Variants in LGSN observed in about 807,000 individuals in gnomAD.
LGSN encodes lengsin, lens protein with glutamine synthetase domain.
A neutral mutation model predicts 19.5 loss-of-function variants in LGSN; 21 were observed. The observed-to-expected ratio is 1.07, with a 90% CI of 0.76 to 1.55. The LOEUF (loss-of-function observed/expected upper bound fraction) is 1.55, where lower values mean the gene tolerates loss of function less well. Ranked by LOEUF, LGSN falls within the 40% of genes most tolerant of loss-of-function variation. LGSN has a pLI of 0.00. For synonymous variants in LGSN, 257 were observed against 215.6 expected (o/e 1.19, Z -1.68); for missense variants, 673 against 608.5 (o/e 1.11, Z -1.12).
intron 1 of LGSN, among the ~76,000 whole-genome samples, chr6:63,299,524 C>T (rs1046877439): frequency 1.3e-5 from 2 of 152,090 alleles, no homozygotes; most frequent in South Asian, 4.1e-4. Context: ...AAAAGTCATC[C>T]TTTTAGAAGT....
At chr6:63,450,066 G>A in the LGSN span, among the ~76,000 whole-genome samples, 1 of 152,018 alleles carries the variant, frequency 6.6e-6, no homozygotes, top group East Asian at 1.9e-4. Context: ...TTGAAAAATG[G>A]CCAGGCATGG....
At position 63,278,320 on chromosome 6, in the gene LGSN, A is replaced by G. The variant is rs562377556; in HGVS notation, c.*1701T>C. 7 of 152,234 alleles carry G rather than the reference A, an allele frequency of 4.6e-5. No individual in the cohort carries two copies. The South Asian group carries it at 8.3e-4, about 18-fold the overall frequency. The allele number at this position is 152,234 out of a possible 1,614,324, so 9.4% of individuals were successfully genotyped here. On this transcript the variant is annotated 3_prime_UTR_variant, in exon 4 of 4. Transcript: ENST00000370657. ...AGCAGACAGCTAGAAAATTGGCATG[A>G]GAGTCTTCCTTATCCCTCCCATGAT... is the stretch of plus-strand genomic sequence containing the variant.
At chr6:63,543,109 G>T in the LGSN span, among the ~76,000 whole-genome samples, 1 of 152,082 alleles carries the variant, frequency 6.6e-6, no homozygotes, top group Non-Finnish European at 1.5e-5. Context: ...TTAAAACAAA[G>T]CTGTGACATC....
the LGSN span, chr6:63,571,035 G>C: frequency 6.6e-6 from 1 of 151,954 alleles, no homozygotes; most frequent in Non-Finnish European, 1.5e-5. Flanking sequence ...ATTTGTAAAG[G>C]GACATATTTC....
At chr6:63,416,932 T>TACACACAC in the LGSN span, among the ~76,000 whole-genome samples, 429 of 147,906 alleles carry the variant, frequency 2.9e-3, 2 homozygotes, top group African/African-American at 0.01. Flanking sequence ...CATATGTATG[T>TACACACAC]ACACACACAC....
the LGSN span, among the ~76,000 whole-genome samples, chr6:63,418,701 T>C: frequency 6.6e-6 from 1 of 152,004 alleles, no homozygotes; most frequent in Non-Finnish European, 1.5e-5. Context: ...TCTCATGTAT[T>C]CCAGATTTAG....
chr6:63,570,990 T>C, the LGSN span: 3 of 152,238 alleles, frequency 2.0e-5, no homozygotes, highest in Non-Finnish European at 4.4e-5. Flanking sequence ...TCTTAGAATT[T>C]AAGATTTTAA....
the LGSN span, among the ~76,000 whole-genome samples, chr6:63,380,020 G>A: frequency 1.3e-5 from 2 of 151,982 alleles, no homozygotes; most frequent in Admixed American, 6.5e-5. Context: ...TGTATTTTTA[G>A]TAGAGACTGG....
intron 3 of LGSN, 149 bp downstream of exon 3, chr6:63,285,438 G>T (rs1352022910): frequency 4.7e-6 from 3 of 639,904 alleles, no homozygotes; most frequent in East Asian, 2.8e-5. Context: ...TAATGTGTTT[G>T]GGAGGAACAA....
chr6:63,520,029 A>C, the LGSN span, among the ~76,000 whole-genome samples: 179 of 152,350 alleles, frequency 1.2e-3, 3 homozygotes, highest in African/African-American at 4.2e-3. Flanking sequence ...TTTTTCGAGG[A>C]GCCTCAATGC....
chr6:63,538,089 A>T, the LGSN span, among the ~76,000 whole-genome samples: 1 of 152,256 alleles, frequency 6.6e-6, no homozygotes, highest in East Asian at 1.9e-4. Flanking sequence ...AAAATTTTTT[A>T]AATTTGCTGA....
chr6:63,490,507 C>T, the LGSN span, among the ~76,000 whole-genome samples: 32 of 152,264 alleles, frequency 2.1e-4, no homozygotes, highest in African/African-American at 7.5e-4. Context: ...ACATGGAGTG[C>T]ATTAGCCAGA....
At chr6:63,285,849 C>A in intron 2 of LGSN, 96 bp from the exon 3 acceptor site, 1 of 892,066 alleles carries the variant, frequency 1.1e-6, no homozygotes, top group Non-Finnish European at 1.7e-6. Context: ...ATATTATTAA[C>A]AAAAACATTA....
At chr6:63,415,585 T>C in the LGSN span, among the ~76,000 whole-genome samples, 1 of 152,198 alleles carries the variant, frequency 6.6e-6, no homozygotes, top group Non-Finnish European at 1.5e-5. Flanking sequence ...GCCCTCATGA[T>C]CCAATTATTT....
the LGSN span, among the ~76,000 whole-genome samples, chr6:63,343,406 T>C: frequency 6.6e-6 from 1 of 152,238 alleles, no homozygotes; most frequent in African/African-American, 2.4e-5. Flanking sequence ...CTTAAATAAA[T>C]GTGTGTGTTT....
the LGSN span, among the ~76,000 whole-genome samples, chr6:63,528,871 C>T: frequency 3.3e-5 from 5 of 152,040 alleles, no homozygotes; most frequent in Admixed American, 1.3e-4. Flanking sequence ...GGTGGATTAC[C>T]TGAGGTCAGG....
the LGSN span, among the ~76,000 whole-genome samples, chr6:63,325,103 C>CAAA: frequency 3.1e-5 from 2 of 65,228 alleles, no homozygotes. Flanking sequence ...AACTCTGTCT[C>CAAA]AAAAAAAAAA....
At chr6:63,374,869 A>G in the LGSN span, among the ~76,000 whole-genome samples, 1 of 152,254 alleles carries the variant, frequency 6.6e-6, no homozygotes, top group South Asian at 2.1e-4. Context: ...GAACATCTCC[A>G]TCTCTTGCTT....
chr6:63,394,362 C>T, the LGSN span, among the ~76,000 whole-genome samples: 1 of 152,142 alleles, frequency 6.6e-6, no homozygotes, highest in Admixed American at 6.5e-5. Context: ...CTCTGGAGGT[C>T]CTCACTGCTC....
Sources: gnomAD v4.1 joint callset for allele counts (sites outside exome capture counted in the v4.1 genomes callset) on GRCh38, gnomAD v4.1.1 for gene constraint, MANE v1.5 for transcripts, NCBI Gene and HGNC (gene_info 2026-07-23, HGNC 2026-07-21) for gene names.